The following GPC5 variants were observed in gnomAD, a reference collection of about 807,000 sequenced individuals.
The protein encoded by GPC5 is glypican-5.
Under a neutral mutation model 53.9 loss-of-function variants are expected in GPC5, and 47 were observed. The observed-to-expected ratio is 0.87, with a 90% CI of 0.69 to 1.11. The LOEUF (loss-of-function observed/expected upper bound fraction) is 1.11, where lower values mean the gene tolerates loss of function less well. Ranked by LOEUF, GPC5 falls within the 50% of genes most tolerant of loss-of-function variation. The probability of loss-of-function intolerance (pLI) is 0.00; values close to 1 mark genes in which losing one functional copy is unlikely to be tolerated. For synonymous variants in GPC5, 286 were observed against 263.3 expected (o/e 1.09, Z -0.84); for missense variants, 748 against 713.1 (o/e 1.05, Z -0.56).
chr13:91,755,275 T>C (rs1242242446), intron 4 of GPC5, among the ~76,000 whole-genome samples: 1 of 152,078 alleles, frequency 6.6e-6, no homozygotes, highest in Non-Finnish European at 1.5e-5. Context: ...TTTAAACACA[T>C]TATATTTTTA....
At chr13:91,610,887 G>A (rs2033527437) in intron 2 of GPC5, among the ~76,000 whole-genome samples, 1 of 152,178 alleles carries the variant, frequency 6.6e-6, no homozygotes, top group South Asian at 2.1e-4. Context: ...TTGCTTAAAT[G>A]TAGTGTCATC....
intron 7 of GPC5, among the ~76,000 whole-genome samples, chr13:92,723,187 G>T (rs1248334952): frequency 1.3e-5 from 2 of 151,546 alleles, no homozygotes; most frequent in African/African-American, 4.8e-5. Flanking sequence ...TCCAATCCTG[G>T]TACTCAGAAC....
intron 6 of GPC5, among the ~76,000 whole-genome samples, chr13:91,959,974 C>T (rs941950030): frequency 6.6e-6 from 1 of 151,896 alleles, no homozygotes; most frequent in Non-Finnish European, 1.5e-5. Context: ...AAACCCAAAA[C>T]CAGCATCATA....
chr13:92,126,200 G>A (rs565478537), intron 6 of GPC5, among the ~76,000 whole-genome samples: 73 of 151,914 alleles, frequency 4.8e-4, no homozygotes, highest in African/African-American at 1.4e-3. Flanking sequence ...CGATCCACCC[G>A]CCTTGGACTC....
At chr13:92,625,533 G>A (rs1885019010) in intron 7 of GPC5, among the ~76,000 whole-genome samples, 1 of 152,172 alleles carries the variant, frequency 6.6e-6, no homozygotes, top group Non-Finnish European at 1.5e-5. Context: ...GGCTATCAAT[G>A]TGGAGTTCAG....
intron 1 of GPC5, among the ~76,000 whole-genome samples, chr13:91,433,706 G>A (rs1879678506): frequency 6.6e-6 from 1 of 152,050 alleles, no homozygotes; most frequent in South Asian, 2.1e-4. Flanking sequence ...AATCCTTTGG[G>A]TATATACCCA....
At chr13:91,934,700 T>G (rs2039853962) in intron 6 of GPC5, among the ~76,000 whole-genome samples, 1 of 151,960 alleles carries the variant, frequency 6.6e-6, no homozygotes, top group African/African-American at 2.4e-5. Context: ...AATGATGTGT[T>G]TGATACTGTT....
chr13:91,863,976 G>A (rs2039058243), intron 5 of GPC5, among the ~76,000 whole-genome samples: 1 of 152,124 alleles, frequency 6.6e-6, no homozygotes, highest in South Asian at 2.1e-4. Flanking sequence ...AAGTTATTGA[G>A]TATTATTTAC....
intron 6 of GPC5, among the ~76,000 whole-genome samples, chr13:91,971,573 G>T (rs2040242617): frequency 6.6e-6 from 1 of 151,980 alleles, no homozygotes; most frequent in African/African-American, 2.4e-5. Flanking sequence ...GTCAATTTTG[G>T]ATCTTTCCTG....
chr13:92,132,419 T>TG (rs1303586254), intron 6 of GPC5, among the ~76,000 whole-genome samples: 1 of 152,104 alleles, frequency 6.6e-6, no homozygotes, highest in Non-Finnish European at 1.5e-5. Flanking sequence ...TTGGGAAGCT[T>TG]GAAGTCTGAA....
At chr13:91,690,682 A>T (rs1042278942) in intron 2 of GPC5, among the ~76,000 whole-genome samples, 1 of 152,214 alleles carries the variant, frequency 6.6e-6, no homozygotes, top group Non-Finnish European at 1.5e-5. Flanking sequence ...ATAAAGAAAT[A>T]TTTTATTCTT....
chr13:92,851,887 C>CAAAAA (rs71202563), intron 7 of GPC5, among the ~76,000 whole-genome samples: 13 of 59,118 alleles, frequency 2.2e-4, no homozygotes, highest in African/African-American at 4.0e-4. Context: ...GACTCCGTCT[C>CAAAAA]AAAAAAAAAA....
chr13:92,850,374 C>T (rs574653031), intron 7 of GPC5, among the ~76,000 whole-genome samples: 12 of 152,126 alleles, frequency 7.9e-5, no homozygotes, highest in African/African-American at 2.2e-4. Context: ...CCAAGGCAGG[C>T]GAATGACTTG....
At chr13:91,617,708 G>T (rs1424411701) in intron 2 of GPC5, among the ~76,000 whole-genome samples, 1 of 150,980 alleles carries the variant, frequency 6.6e-6, no homozygotes, top group Middle Eastern at 3.2e-3. Context: ...TCCTTTTTAG[G>T]TGTTAAGGAT....
intron 6 of GPC5, among the ~76,000 whole-genome samples, chr13:91,998,425 C>G (rs2040524569): frequency 6.6e-6 from 1 of 152,084 alleles, no homozygotes; most frequent in Non-Finnish European, 1.5e-5. Context: ...TGATTAATAT[C>G]ATATATAATT....
At chr13:91,606,102 A>G (rs1283432599) in intron 2 of GPC5, among the ~76,000 whole-genome samples, 1 of 126,780 alleles carries the variant, frequency 7.9e-6, no homozygotes, top group African/African-American at 3.2e-5. Context: ...TGTCATAAAT[A>G]GCTCTTATTA....
intron 7 of GPC5, among the ~76,000 whole-genome samples, chr13:92,372,883 T>C (rs2139296418): frequency 1.3e-5 from 2 of 152,326 alleles, no homozygotes; most frequent in South Asian, 4.1e-4. Flanking sequence ...TTTGTGCCTG[T>C]ATTATGTTAT....
intron 6 of GPC5, among the ~76,000 whole-genome samples, chr13:92,139,854 A>G (rs372637167): frequency 2.0e-5 from 3 of 152,122 alleles, no homozygotes; most frequent in African/African-American, 7.2e-5. Flanking sequence ...CATTGAAGGC[A>G]GGGTAAGCTT....
chr13:91,539,429 T>G (rs1345411012), intron 2 of GPC5, among the ~76,000 whole-genome samples: 1 of 152,202 alleles, frequency 6.6e-6, no homozygotes, highest in East Asian at 1.9e-4. Context: ...TGTGGGTTTC[T>G]TTCCCAGGCA....
Sources: allele counts gnomAD v4.1 joint callset (sites outside exome capture counted in the v4.1 genomes callset), GRCh38; gene constraint gnomAD v4.1.1; transcripts MANE v1.5; gene names NCBI Gene and HGNC (gene_info 2026-07-23, HGNC 2026-07-21).